GRM7: variants seen among roughly 807,000 people sequenced by gnomAD.
GRM7 encodes the protein glutamate metabotropic receptor 7.
A neutral mutation model predicts 84.5 loss-of-function variants in GRM7; 35 were observed. That is an observed-to-expected ratio of 0.41 (90% CI 0.32 to 0.55). GRM7 has a LOEUF of 0.55. GRM7 is among the 20% of genes least tolerant of loss of function. The pLI is 0.19. For missense variants in GRM7, 1,003 were observed against 1,194.6 expected (o/e 0.84, Z 2.36); for synonymous variants, 487 against 455.1 (o/e 1.07, Z -0.89).
chr3:7,446,283 C>G (rs1003327551), intron 5 of GRM7, among the ~76,000 whole-genome samples: 1 of 152,158 alleles, frequency 6.6e-6, no homozygotes, highest in Non-Finnish European at 1.5e-5. Context: ...TCCCTTAAAA[C>G]CACATGAGAA....
intron 2 of GRM7, among the ~76,000 whole-genome samples, chr3:7,168,443 C>T (rs973530862): frequency 6.6e-6 from 1 of 151,976 alleles, no homozygotes; most frequent in Admixed American, 6.6e-5. Context: ...GGCCTGATAA[C>T]AAGAAACAGG....
intron 1 of GRM7, among the ~76,000 whole-genome samples, chr3:7,103,816 T>TTCTTTCTTTCTTTCTTTCTTTCTC (rs1553617438): frequency 2.2e-5 from 2 of 89,054 alleles, no homozygotes; most frequent in African/African-American, 9.7e-5. Context: ...CTTTCTTTCT[T>TTCTTTCTTTCTTTCTTTCTTTCTC]TCTCTCTCTC....
At chr3:7,555,417 T>G (rs1471075318) in intron 7 of GRM7, among the ~76,000 whole-genome samples, 1 of 152,208 alleles carries the variant, frequency 6.6e-6, no homozygotes, top group African/African-American at 2.4e-5. Flanking sequence ...GGTTTAGGGC[T>G]CCCATGACAG....
intron 2 of GRM7, among the ~76,000 whole-genome samples, chr3:7,248,571 C>T (rs1414144884): frequency 2.0e-5 from 3 of 151,870 alleles, no homozygotes; most frequent in South Asian, 2.1e-4. Flanking sequence ...ACTTAAAATG[C>T]GTGCATTTTA....
chr3:6,966,232 CCT>C (rs1693512943), intron 1 of GRM7, among the ~76,000 whole-genome samples: 1 of 152,110 alleles, frequency 6.6e-6, no homozygotes, highest in Admixed American at 6.5e-5. Context: ...TAATCTTCTT[CCT>C]TATCAGACCA....
At chr3:6,872,590 C>A (rs12495366) in intron 1 of GRM7, among the ~76,000 whole-genome samples, 4,997 of 152,200 alleles carry the variant, frequency 0.033, 118 homozygotes, top group Middle Eastern at 0.051. Context: ...TTAGGTATTT[C>A]TCCTAATGCT....
chr3:7,136,283 G>A (rs957153141), intron 1 of GRM7, among the ~76,000 whole-genome samples: 1 of 151,608 alleles, frequency 6.6e-6, no homozygotes, highest in Admixed American at 6.6e-5. Flanking sequence ...GGGCCTGGCA[G>A]CCTGGTTCCT....
intron 1 of GRM7, among the ~76,000 whole-genome samples, chr3:6,986,098 T>C (rs1435306520): frequency 2.6e-5 from 4 of 152,180 alleles, no homozygotes; most frequent in Admixed American, 2.0e-4. Context: ...ACAAATACGT[T>C]CTAGAGATCT....
intron 8 of GRM7, among the ~76,000 whole-genome samples, chr3:7,657,460 A>T (rs556488952): frequency 6.6e-6 from 1 of 152,354 alleles, no homozygotes; most frequent in Non-Finnish European, 1.5e-5. Context: ...AATGTACTGA[A>T]GCAGCTACAA....
At chr3:7,499,071 C>T (rs1699798264) in intron 7 of GRM7, among the ~76,000 whole-genome samples, 1 of 152,212 alleles carries the variant, frequency 6.6e-6, no homozygotes, top group African/African-American at 2.4e-5. Context: ...GTTGCAATCA[C>T]TTGGTGGCTG....
chr3:7,662,035 T>G (rs1222789233), intron 8 of GRM7, among the ~76,000 whole-genome samples: 1 of 152,024 alleles, frequency 6.6e-6, no homozygotes, highest in Non-Finnish European at 1.5e-5. Flanking sequence ...AAACAAATCA[T>G]AGTATATCCT....
intron 2 of GRM7, among the ~76,000 whole-genome samples, chr3:7,284,258 G>T (rs1235283801): frequency 6.8e-6 from 1 of 147,582 alleles, no homozygotes; most frequent in Non-Finnish European, 1.5e-5. Flanking sequence ...TCAGGAGTTA[G>T]GGGTGTGTGG....
chr3:6,989,404 T>G (rs908340677), intron 1 of GRM7, among the ~76,000 whole-genome samples: 2 of 152,232 alleles, frequency 1.3e-5, no homozygotes, highest in Non-Finnish European at 2.9e-5. Flanking sequence ...GTGAATTCCT[T>G]AAGATGACAT....
intron 2 of GRM7, among the ~76,000 whole-genome samples, chr3:7,234,519 A>G (rs981737380): frequency 6.6e-6 from 1 of 152,348 alleles, no homozygotes; most frequent in African/African-American, 2.4e-5. Context: ...TCTGGTCCAT[A>G]AAATACCTTC....
chr3:7,172,079 T>G (rs1436720287), intron 2 of GRM7, among the ~76,000 whole-genome samples: 5 of 152,212 alleles, frequency 3.3e-5, no homozygotes, highest in Non-Finnish European at 4.4e-5. Context: ...GTGTGTTCCA[T>G]TTCCATGTAT....
intron 2 of GRM7, among the ~76,000 whole-genome samples, chr3:7,171,921 G>A (rs894649510): frequency 6.6e-6 from 1 of 152,138 alleles, no homozygotes; most frequent in Non-Finnish European, 1.5e-5. Context: ...TAATACATCA[G>A]CAGTGAAATG....
At chr3:6,890,993 T>C (rs1173854168) in intron 1 of GRM7, among the ~76,000 whole-genome samples, 1 of 152,140 alleles carries the variant, frequency 6.6e-6, no homozygotes, top group East Asian at 1.9e-4. Flanking sequence ...GTAATGGCCT[T>C]CTTTGTGTCT....
chr3:7,545,753 C>A (rs550606785), intron 7 of GRM7, among the ~76,000 whole-genome samples: 75 of 152,220 alleles, frequency 4.9e-4, no homozygotes, highest in African/African-American at 1.8e-3. Flanking sequence ...TGGAAAGGTT[C>A]TATTTCCTGA....
intron 7 of GRM7, among the ~76,000 whole-genome samples, chr3:7,541,040 T>G (rs755378171): frequency 4.0e-4 from 61 of 152,140 alleles, no homozygotes; most frequent in Admixed American, 2.6e-3. Context: ...GTATGTATAT[T>G]TAAAATAAAA....
Sources: allele counts gnomAD v4.1 joint callset (sites outside exome capture counted in the v4.1 genomes callset), GRCh38; gene constraint gnomAD v4.1.1; transcripts MANE v1.5; gene names NCBI Gene and HGNC (gene_info 2026-07-23, HGNC 2026-07-21).